TMPRSS6: variants seen among roughly 807,000 people sequenced by gnomAD.
TMPRSS6 encodes transmembrane serine protease 6.
In TMPRSS6, 67 loss-of-function variants were observed where a neutral mutation model predicts 101.5. The ratio of observed to expected loss-of-function variants is 0.66; its 90% confidence interval spans 0.54 to 0.81. The LOEUF is 0.81. Among genes scored for constraint, TMPRSS6 ranks in the 30% least tolerant of loss-of-function variants. The pLI is 0.00. For synonymous variants in TMPRSS6, 453 were observed against 464.9 expected (o/e 0.97, Z 0.33); for missense variants, 1,034 against 1,088.7 (o/e 0.95, Z 0.71).
intron 7 of TMPRSS6, among the ~76,000 whole-genome samples, chr22:37,087,388 C>T (rs964425720): frequency 5.3e-5 from 8 of 152,212 alleles, no homozygotes; most frequent in African/African-American, 9.6e-5. Flanking sequence ...CCTTGGCAAG[C>T]GAGTACCTGA....
rs775869554 is a variant in TMPRSS6, at chr22:37,066,942, G to C, written c.2134C>G (p.Gln712Glu). 6.2e-7 allele frequency: 1 copy of C among 1,614,136 alleles called. No homozygotes were observed. Among genetic ancestry groups the C allele is most frequent in the Admixed American group, 1.7e-5 (1 of 60,024 alleles). ...REGGPISNAL[Q>E]KVDVQLIPQD... ...GGGATCAACTGCACATCCACTTTCT[G>C]CAGAGCGTTGCTGATGGGGCCTGTC... The change falls in exon 17 of 18, where the codon CAG becomes GAG. Residue 712 changes from glutamine (Q) to glutamate (E), a missense_variant. Physicochemically the swap from Gln to Glu is conservative, Grantham distance 29. Coordinates refer to ENST00000676104, the MANE Select transcript of TMPRSS6 (RefSeq NM_001374504.1).
At chr22:37,090,989 C>T (rs1411309793) in intron 6 of TMPRSS6, among the ~76,000 whole-genome samples, 1 of 152,128 alleles carries the variant, frequency 6.6e-6, no homozygotes, top group Non-Finnish European at 1.5e-5. Context: ...CCATCATACC[C>T]CACCCCCCTA....
intron 13 of TMPRSS6, among the ~76,000 whole-genome samples, chr22:37,072,214 TGATGGATGGATGGATGGATGATG>T (rs1409628799): frequency 0.054 from 6,004 of 111,566 alleles, 229 homozygotes; most frequent in Non-Finnish European, 0.073. Context: ...GATGGATGGA[TGATGGATGGATGGATGGATGATG>T]GATGGATGGA....
intron 6 of TMPRSS6, 70 bp from the exon 7 acceptor site, chr22:37,089,852 T>C (rs1929105504): frequency 6.7e-7 from 1 of 1,494,542 alleles, no homozygotes; most frequent in Non-Finnish European, 9.1e-7. Flanking sequence ...GGGAGCCAGG[T>C]CCCTCAAGGT....
At chr22:37,081,983 ACT>A (rs1438092970) in intron 10 of TMPRSS6, among the ~76,000 whole-genome samples, 1 of 152,152 alleles carries the variant, frequency 6.6e-6, no homozygotes, top group African/African-American at 2.4e-5. Flanking sequence ...CGTGTTCCAC[ACT>A]CTCTCTGTCA....
chr22:37,106,463 C>T (rs1342581769), intron 1 of TMPRSS6, among the ~76,000 whole-genome samples: 2 of 152,126 alleles, frequency 1.3e-5, no homozygotes, highest in Non-Finnish European at 2.9e-5. Context: ...TCGCATCCAT[C>T]TGGGAGGACT....
chr22:37,067,094 G>C, intron 16 of TMPRSS6, 132 bp from the exon 17 acceptor site: 1 of 1,357,426 alleles, frequency 7.4e-7, no homozygotes, highest in South Asian at 1.2e-5. Flanking sequence ...ACCCCTGCTA[G>C]GGTCGCACCT....
rs529716198 is a variant in TMPRSS6, at chr22:37,075,284, G to C, written c.1197-4C>G. ...CAGGATGCGCAAGCCACACAGCCTG[G>C]GGGGAGTCAGAGACGACTCAGGGCT... is the stretch of plus-strand genomic sequence containing the variant. On this transcript the variant is annotated splice_region_variant and splice_polypyrimidine_tract_variant and intron_variant, in intron 10 of 17. Transcript: ENST00000676104. 1.6e-5 allele frequency: 26 copies of C among 1,613,348 alleles called. No individual in the cohort carries two copies. In the East Asian group the frequency reaches 4.5e-4, roughly 28 times the overall value.
chr22:37,093,116 G>T (rs983094320), intron 6 of TMPRSS6, among the ~76,000 whole-genome samples: 1 of 152,142 alleles, frequency 6.6e-6, no homozygotes, highest in Admixed American at 6.6e-5. Context: ...TCATAAAGTC[G>T]ACTTCAAGGA....
chr22:37,066,256 G>A lies in TMPRSS6; in HGVS notation c.2251-18C>T, dbSNP rs1203647029. The A allele has an allele frequency of 1.9e-6, 3 of 1,600,482 alleles. No individual in the cohort carries two copies. The highest frequency in any genetic ancestry group is 2.6e-6 in the Non-Finnish European group (3 of 1,172,902). ...GAGTCACCCTGAAAGGGGGAAAGGA[G>A]AAAGGACTGAAGCAGGGTAAGGGCA... On this transcript the variant is annotated intron_variant, in intron 17 of 17. Coordinates refer to ENST00000676104, the MANE Select transcript of TMPRSS6 (RefSeq NM_001374504.1).
At chr22:37,068,687 G>A (rs546119832) in intron 16 of TMPRSS6, 20 of 779,686 alleles carry the variant, frequency 2.6e-5, no homozygotes, top group African/African-American at 1.7e-4. Flanking sequence ...TAGGGCTGTT[G>A]GGTGGATTAT....
chr22:37,101,911 G>A lies in TMPRSS6; in HGVS notation c.202+1305C>T, dbSNP rs368109748. ...TCTGGGGCACTGGCTTCCTGCTGGT[G>A]GTGAAATGCACATGGCGTCTACTGC... On this transcript the variant is annotated intron_variant, in intron 2 of 17. Transcript: ENST00000676104. This position sits in a 1 kb window ranked among gnomAD's most constrained non-coding sequence, Gnocchi z 4.1. Among the ~76,000 whole-genome samples the A allele has an allele frequency of 6.6e-6, 1 of 152,218 alleles. No homozygotes were observed. The highest frequency in any genetic ancestry group is 1.9e-4 in the East Asian group (1 of 5,206).
intron 12 of TMPRSS6, 94 bp from the exon 13 acceptor site, chr22:37,073,739 G>C: frequency 1.2e-6 from 1 of 802,954 alleles, no homozygotes; most frequent in Non-Finnish European, 2.3e-6. Context: ...TGTATTGCAC[G>C]TTACCAATCA....
rs199474805 is a variant in TMPRSS6, at chr22:37,066,223, G to C, written c.2266C>G (p.Pro756Ala). ...CCACTGAGTGCCTTGCACACCAGCG[G>C]ACCACCTGAGTCACCCTGAAAGGGG... ...KDACQGDSGG[P>A]LVCKALSGRW... is the part of the protein sequence containing the mutation. Residue 756 changes from proline to alanine, a missense_variant, in exon 18 of 18, where the codon CCG becomes GCG. Pro to Ala is a conservative substitution (Grantham distance 27, BLOSUM62 -1). Transcript: ENST00000676104. 77 of 1,611,842 alleles carry C rather than the reference G, an allele frequency of 4.8e-5. No individual in the cohort carries two copies. The highest frequency in any genetic ancestry group is 6.2e-5 in the Non-Finnish European group (73 of 1,179,268).
chr22:37,094,652 C>T (rs2251655), intron 6 of TMPRSS6, among the ~76,000 whole-genome samples: 64,393 of 151,794 alleles, frequency 0.42, 13,799 homozygotes, highest in African/African-American at 0.47. Context: ...CACATGGTCA[C>T]TCTATCTTTG....
chr22:37,094,188 A>C (rs1472247388), intron 6 of TMPRSS6, among the ~76,000 whole-genome samples: 1 of 152,118 alleles, frequency 6.6e-6, no homozygotes, highest in African/African-American at 2.4e-5. Flanking sequence ...TATTGGTTGT[A>C]GATTATCAAC....
In TMPRSS6 at chr22:37,103,588, G is replaced by C. The variant is rs1930521121; in HGVS notation, c.-1-170C>G. On this transcript the variant is annotated intron_variant, in intron 1 of 17. Transcript: ENST00000676104. This position sits in a 1 kb window ranked among gnomAD's most constrained non-coding sequence, Gnocchi z 4.4. ...GTGCCGAGACAGCTCACAGAGGAGGGAAGTGCATCTCAGGTCAGCTCGCAC... is the reference window on the plus strand; with the variant it reads ...GTGCCGAGACAGCTCACAGAGGAGGCAAGTGCATCTCAGGTCAGCTCGCAC... 6.2e-7 allele frequency: 1 copy of C among 1,612,654 alleles called. No individual in the cohort carries two copies. Among genetic ancestry groups the C allele is most frequent in the Non-Finnish European group, 8.5e-7 (1 of 1,179,934 alleles).
At chr22:37,077,215 C>A (rs1241761113) in intron 10 of TMPRSS6, among the ~76,000 whole-genome samples, 1 of 152,200 alleles carries the variant, frequency 6.6e-6, no homozygotes, top group Non-Finnish European at 1.5e-5. Flanking sequence ...ACAGATGAGG[C>A]TCAAGAGTGC....
At chr22:37,090,049 C>T (rs538985455) in intron 6 of TMPRSS6, among the ~76,000 whole-genome samples, 110 of 152,372 alleles carry the variant, frequency 7.2e-4, no homozygotes, top group African/African-American at 2.6e-3. Flanking sequence ...AAAATCCAGT[C>T]GCTGCCTGGG....
Sources: allele counts gnomAD v4.1 joint callset (sites outside exome capture counted in the v4.1 genomes callset), GRCh38; gene constraint gnomAD v4.1.1; non-coding constraint Gnocchi (gnomAD v3.1); transcripts MANE v1.5; gene names NCBI Gene and HGNC (gene_info 2026-07-23, HGNC 2026-07-21).